Variants in NKAIN3 observed in about 807,000 individuals in gnomAD.
NKAIN3 encodes the protein sodium/potassium transporting ATPase interacting 3.
NKAIN3 carries 25 observed loss-of-function variants against 30.2 expected under a neutral mutation model. The observed-to-expected ratio is 0.83, with a 90% CI of 0.60 to 1.16. The LOEUF (loss-of-function observed/expected upper bound fraction) is 1.16, where lower values mean the gene tolerates loss of function less well. NKAIN3 is among the 50% of genes most tolerant of loss of function. The pLI, the probability that NKAIN3 is intolerant of heterozygous loss-of-function variation, is 0.00. For synonymous variants in NKAIN3, 91 were observed against 89.6 expected, an observed-to-expected ratio of 1.02 and a Z score of -0.09; for missense variants, 225 against 254.1, an observed-to-expected ratio of 0.89 and a Z score of 0.78.
At chr8:62,886,397 A>T (rs1338527264) in intron 4 of NKAIN3, among the ~76,000 whole-genome samples, 1 of 152,088 alleles carries the variant, frequency 6.6e-6, no homozygotes, top group East Asian at 1.9e-4. Context: ...ATTGTCTATT[A>T]GATCAGTTAA....
intron 1 of NKAIN3, among the ~76,000 whole-genome samples, chr8:62,544,970 T>C (rs1050105974): frequency 6.6e-6 from 1 of 152,160 alleles, no homozygotes; most frequent in Non-Finnish European, 1.5e-5. Flanking sequence ...AAAATATAAT[T>C]GCTGTTTACT....
chr8:62,913,135 G>A (rs1355550841), intron 4 of NKAIN3, among the ~76,000 whole-genome samples: 1 of 119,630 alleles, frequency 8.4e-6, no homozygotes, highest in Non-Finnish European at 1.7e-5. Context: ...ACTGCCTGAG[G>A]CTGTTTTGCA....
At chr8:62,674,413 C>T (rs1813407309) in intron 3 of NKAIN3, among the ~76,000 whole-genome samples, 1 of 152,134 alleles carries the variant, frequency 6.6e-6, no homozygotes, top group Admixed American at 6.6e-5. Flanking sequence ...CCATCCTGTT[C>T]TTATTTGTCC....
At chr8:62,657,525 A>G (rs28521750) in intron 3 of NKAIN3, among the ~76,000 whole-genome samples, 9,251 of 152,180 alleles carry the variant, frequency 0.061, 912 homozygotes, top group African/African-American at 0.21. Flanking sequence ...AATTTCCCCT[A>G]TGAGTAGAAA....
chr8:62,597,074 C>A (rs916958405), intron 3 of NKAIN3, among the ~76,000 whole-genome samples: 7 of 152,124 alleles, frequency 4.6e-5, no homozygotes, highest in African/African-American at 7.2e-5. Context: ...ACTGCTGCCA[C>A]TACCCATAAA....
intron 4 of NKAIN3, among the ~76,000 whole-genome samples, chr8:62,882,344 A>G (rs780671959): frequency 9.2e-5 from 14 of 152,078 alleles, no homozygotes; most frequent in Non-Finnish European, 1.3e-4. Context: ...TTTGAGACGG[A>G]AGCTCGCTCT....
At chr8:62,312,688 G>A (rs1814484298) in intron 1 of NKAIN3, among the ~76,000 whole-genome samples, 1 of 152,028 alleles carries the variant, frequency 6.6e-6, no homozygotes. Context: ...ATGGTGGTGT[G>A]CACCTGTGGT....
intron 5 of NKAIN3, among the ~76,000 whole-genome samples, chr8:62,942,225 C>CATATATATACACATATATATACAT (rs1379200574): frequency 1.4e-3 from 74 of 51,678 alleles, no homozygotes; most frequent in South Asian, 5.2e-3. Context: ...CATATATATA[C>CATATATATACACATATATATACAT]ATATATATAC....
chr8:62,923,128 C>T (rs1256735936), intron 5 of NKAIN3, among the ~76,000 whole-genome samples: 3 of 152,032 alleles, frequency 2.0e-5, no homozygotes, highest in Admixed American at 2.0e-4. Context: ...GAGACCTCAT[C>T]TCTACCAAAA....
At chr8:62,272,791 C>T (rs544347191) in intron 1 of NKAIN3, among the ~76,000 whole-genome samples, 2 of 152,252 alleles carry the variant, frequency 1.3e-5, no homozygotes, top group South Asian at 2.1e-4. Flanking sequence ...ACAGCCCTAG[C>T]GGTCATAGCT....
At chr8:62,697,390 T>C (rs1178552484) in intron 3 of NKAIN3, among the ~76,000 whole-genome samples, 2 of 152,232 alleles carry the variant, frequency 1.3e-5, no homozygotes. Context: ...TTCTCTTCCA[T>C]GAGTTAACCC....
chr8:62,416,901 A>C (rs2129596424), intron 1 of NKAIN3, among the ~76,000 whole-genome samples: 1 of 152,010 alleles, frequency 6.6e-6, no homozygotes, highest in South Asian at 2.1e-4. Context: ...CCGAGGCAGG[A>C]GAATCGCTTG....
At chr8:62,990,182 CA>C (rs1337562482) in intron 5 of NKAIN3, 3 of 1,409,982 alleles carry the variant, frequency 2.1e-6, no homozygotes, top group Non-Finnish European at 2.0e-6. Context: ...ATGTGATCTG[CA>C]AGTATGCAAA....
chr8:62,359,883 C>A (rs1335744065), intron 1 of NKAIN3, among the ~76,000 whole-genome samples: 2 of 152,184 alleles, frequency 1.3e-5, no homozygotes, highest in Admixed American at 6.5e-5. Flanking sequence ...TGGATGGGAA[C>A]ATCCTTGGTT....
intron 4 of NKAIN3, among the ~76,000 whole-genome samples, chr8:62,807,289 G>C (rs1422491946): frequency 2.6e-5 from 4 of 152,086 alleles, no homozygotes; most frequent in Non-Finnish European, 5.9e-5. Context: ...AAGCAGCCTT[G>C]CATCTTGTTT....
chr8:62,930,880 T>C (rs1173762425), intron 5 of NKAIN3, among the ~76,000 whole-genome samples: 1 of 152,072 alleles, frequency 6.6e-6, no homozygotes, highest in Non-Finnish European at 1.5e-5. Flanking sequence ...ATTTTGTTTT[T>C]GTATTTTTAG....
At chr8:62,663,732 C>T (rs58930782) in intron 3 of NKAIN3, among the ~76,000 whole-genome samples, 3,713 of 152,080 alleles carry the variant, frequency 0.024, 147 homozygotes, top group African/African-American at 0.085. Flanking sequence ...TGCTTTTTTC[C>T]GATAGGCTCA....
At chr8:62,438,750 A>G (rs1805240620) in intron 1 of NKAIN3, among the ~76,000 whole-genome samples, 1 of 152,004 alleles carries the variant, frequency 6.6e-6, no homozygotes, top group Non-Finnish European at 1.5e-5. Context: ...TTTGGTGGAG[A>G]TGGGGTTTCA....
intron 4 of NKAIN3, among the ~76,000 whole-genome samples, chr8:62,776,656 C>G (rs990469415): frequency 6.6e-6 from 1 of 151,782 alleles, no homozygotes; most frequent in Non-Finnish European, 1.5e-5. Flanking sequence ...TATTGTATAC[C>G]CTATGTCTTG....
Sources: gnomAD v4.1 joint callset for allele counts (sites outside exome capture counted in the v4.1 genomes callset) on GRCh38, gnomAD v4.1.1 for gene constraint, MANE v1.5 for transcripts, NCBI Gene and HGNC (gene_info 2026-07-23, HGNC 2026-07-21) for gene names.